The following PCDH9 variants were observed in gnomAD, a reference collection of about 807,000 sequenced individuals.
PCDH9 encodes the protein protocadherin 9.
PCDH9 carries 24 observed loss-of-function variants against 70.6 expected under a neutral mutation model. The ratio of observed to expected loss-of-function variants is 0.34; its 90% confidence interval spans 0.25 to 0.48. PCDH9 has a LOEUF of 0.48. Ranked by LOEUF, PCDH9 falls within the 20% of genes least tolerant of loss-of-function variation. The probability of loss-of-function intolerance (pLI) is 0.99; values close to 1 mark genes in which losing one functional copy is unlikely to be tolerated. For missense variants in PCDH9, 1,281 were observed against 1,503.6 expected (o/e 0.85, Z 2.45); for synonymous variants, 562 against 558.5 (o/e 1.01, Z -0.09).
intron 4 of PCDH9, among the ~76,000 whole-genome samples, chr13:66,411,967 T>G (rs766576776): frequency 3.3e-5 from 5 of 152,188 alleles, no homozygotes; most frequent in Non-Finnish European, 5.9e-5. Context: ...TTCAAGTAAC[T>G]GTTCCTTTAG....
intron 4 of PCDH9, among the ~76,000 whole-genome samples, chr13:66,552,726 G>C (rs777563716): frequency 5.3e-5 from 8 of 152,064 alleles, no homozygotes; most frequent in Admixed American, 1.3e-4. Flanking sequence ...ATCAATGATT[G>C]GTCTGGAGAT....
At chr13:67,105,100 T>G (rs906479676) in intron 2 of PCDH9, among the ~76,000 whole-genome samples, 13 of 152,180 alleles carry the variant, frequency 8.5e-5, no homozygotes, top group Non-Finnish European at 2.9e-5. Context: ...TTCTTGGCCT[T>G]GGAGTTTCTG....
At chr13:66,675,928 C>T (rs548668810) in intron 3 of PCDH9, among the ~76,000 whole-genome samples, 3 of 152,184 alleles carry the variant, frequency 2.0e-5, no homozygotes, top group Non-Finnish European at 4.4e-5. Context: ...ATTGTCTCTA[C>T]TTTTATTATT....
intron 4 of PCDH9, among the ~76,000 whole-genome samples, chr13:66,462,428 C>T (rs1483456550): frequency 6.6e-6 from 1 of 151,832 alleles, no homozygotes; most frequent in African/African-American, 2.4e-5. Context: ...AAGTTGTTTG[C>T]CTAAGAATGA....
chr13:67,097,827 G>T (rs1421768326), intron 2 of PCDH9, among the ~76,000 whole-genome samples: 1 of 152,086 alleles, frequency 6.6e-6, no homozygotes, highest in Non-Finnish European at 1.5e-5. Flanking sequence ...CTGTTGTGGG[G>T]TATATTACAA....
chr13:66,554,548 A>G (rs929532543), intron 4 of PCDH9, among the ~76,000 whole-genome samples: 1 of 152,132 alleles, frequency 6.6e-6, no homozygotes. Context: ...AAAGTAAACT[A>G]ATAATTATAT....
chr13:66,824,256 A>AAG (rs2080768797), intron 3 of PCDH9, among the ~76,000 whole-genome samples: 1 of 145,060 alleles, frequency 6.9e-6, no homozygotes, highest in Non-Finnish European at 1.5e-5. Flanking sequence ...TGATTTGCCA[A>AAG]AGACAGCTAG....
chr13:66,996,827 A>T (rs1395829412), intron 2 of PCDH9, among the ~76,000 whole-genome samples: 1 of 152,204 alleles, frequency 6.6e-6, no homozygotes, highest in Admixed American at 6.5e-5. Context: ...TGGAGACCTT[A>T]CTCCAAATGC....
chr13:67,197,881 A>G (rs2089112445), intron 2 of PCDH9, among the ~76,000 whole-genome samples: 1 of 151,924 alleles, frequency 6.6e-6, no homozygotes, highest in Non-Finnish European at 1.5e-5. Context: ...GATGATTTAT[A>G]AATGACTTAA....
intron 4 of PCDH9, among the ~76,000 whole-genome samples, chr13:66,443,711 T>C (rs1958017537): frequency 6.6e-6 from 1 of 152,160 alleles, no homozygotes; most frequent in African/African-American, 2.4e-5. Context: ...TTTGATTTAT[T>C]ATTCTGGAAT....
intron 3 of PCDH9, among the ~76,000 whole-genome samples, chr13:66,667,965 T>C (rs2078118845): frequency 6.6e-6 from 1 of 152,204 alleles, no homozygotes. Context: ...TGACCAATAG[T>C]AAATAAAAAG....
intron 2 of PCDH9, among the ~76,000 whole-genome samples, chr13:67,184,645 C>T (rs1200978800): frequency 6.6e-6 from 1 of 152,118 alleles, no homozygotes; most frequent in Non-Finnish European, 1.5e-5. Flanking sequence ...GCAGGAGGAT[C>T]GCTTGAACCC....
At chr13:66,326,087 C>T (rs1955837875) in intron 4 of PCDH9, among the ~76,000 whole-genome samples, 1 of 152,152 alleles carries the variant, frequency 6.6e-6, no homozygotes, top group Non-Finnish European at 1.5e-5. Context: ...TTTTTACTCA[C>T]CTCTGGCTTC....
At chr13:66,440,768 T>A (rs1721264244) in intron 4 of PCDH9, among the ~76,000 whole-genome samples, 1 of 152,140 alleles carries the variant, frequency 6.6e-6, no homozygotes, top group South Asian at 2.1e-4. Context: ...ATTTTTATTT[T>A]ATTTTTTTCT....
At chr13:66,806,933 G>A (rs1418096980) in intron 3 of PCDH9, among the ~76,000 whole-genome samples, 1 of 152,102 alleles carries the variant, frequency 6.6e-6, no homozygotes, top group Non-Finnish European at 1.5e-5. Context: ...TTTTAATTCT[G>A]TCTCTCATCA....
intron 3 of PCDH9, among the ~76,000 whole-genome samples, chr13:66,851,215 A>G (rs140507641): frequency 0.015 from 2,330 of 152,270 alleles, 74 homozygotes; most frequent in African/African-American, 0.053. Flanking sequence ...TAGTATCTAG[A>G]AATATTTCAA....
intron 2 of PCDH9, among the ~76,000 whole-genome samples, chr13:66,941,889 T>A (rs1337420062): frequency 6.6e-6 from 1 of 151,922 alleles, no homozygotes; most frequent in Non-Finnish European, 1.5e-5. Flanking sequence ...CAAGTGCACC[T>A]GGGAAGTGTA....
At chr13:66,384,835 T>G (rs1341970082) in intron 4 of PCDH9, among the ~76,000 whole-genome samples, 1 of 151,842 alleles carries the variant, frequency 6.6e-6, no homozygotes, top group Non-Finnish European at 1.5e-5. Flanking sequence ...CAGATAATTT[T>G]TTTTTGTATT....
intron 4 of PCDH9, among the ~76,000 whole-genome samples, chr13:66,462,584 C>G (rs1360363539): frequency 1.3e-5 from 2 of 151,736 alleles, no homozygotes; most frequent in African/African-American, 2.4e-5. Flanking sequence ...TTGTCCTAGC[C>G]CTGGAGATTG....
Sources: allele counts gnomAD v4.1 joint callset (sites outside exome capture counted in the v4.1 genomes callset), GRCh38; gene constraint gnomAD v4.1.1; transcripts MANE v1.5; gene names NCBI Gene and HGNC (gene_info 2026-07-23, HGNC 2026-07-21).